Variants in CENPP observed in about 807,000 individuals in gnomAD.
CENPP encodes centromere protein P.
In CENPP, 24 loss-of-function variants were observed where a neutral mutation model predicts 35.6. The observed-to-expected ratio is 0.67, with a 90% CI of 0.49 to 0.95. CENPP has a LOEUF of 0.95. CENPP is among the 40% of genes least tolerant of loss of function. The pLI, the probability that CENPP is intolerant of heterozygous loss-of-function variation, is 0.00. For missense variants in CENPP, 332 were observed against 345.3 expected, an observed-to-expected ratio of 0.96 and a Z score of 0.31; for synonymous variants, 120 against 125.5, an observed-to-expected ratio of 0.96 and a Z score of 0.29.
At chr9:92,533,328 A>AAAAATATAT (rs1554683138) in intron 5 of CENPP, among the ~76,000 whole-genome samples, 1 of 38,332 alleles carries the variant, frequency 2.6e-5, no homozygotes, top group African/African-American at 1.5e-4. Context: ...AAAAAAAAAA[A>AAAAATATAT]ATATATATAT....
chr9:92,521,457 A>G (rs1848064162), intron 5 of CENPP, among the ~76,000 whole-genome samples: 1 of 152,114 alleles, frequency 6.6e-6, no homozygotes, highest in African/African-American at 2.4e-5. Context: ...TATTTTCAGG[A>G]TAATTGTATA....
intron 5 of CENPP, among the ~76,000 whole-genome samples, chr9:92,579,471 T>C (rs1297461755): frequency 6.6e-6 from 1 of 151,218 alleles, no homozygotes; most frequent in African/African-American, 2.4e-5. Context: ...TCCTCTTTTA[T>C]TTCGTTGAGC....
At chr9:92,483,374 G>A (rs1393160930) in intron 5 of CENPP, among the ~76,000 whole-genome samples, 3 of 151,992 alleles carry the variant, frequency 2.0e-5, no homozygotes, top group Non-Finnish European at 4.4e-5. Flanking sequence ...GACTGCAGGC[G>A]CCCGCCACCA....
rs1447850504 is a variant in CENPP at position 92,617,185 on chromosome 9, C to T, written c.*4036C>T. On this transcript the variant is annotated 3_prime_UTR_variant, in exon 8 of 8. Coordinates refer to ENST00000375587, the MANE Select transcript of CENPP (RefSeq NM_001012267.3). ...GCTGGAGTGTGCCTGCAGCTCATCC[C>T]AAGGGGCCACATTTTATTGGGAGAA... The T allele has an allele frequency of 6.6e-6, 1 of 152,224 alleles. No homozygotes were observed. The highest frequency in any genetic ancestry group is 1.5e-5 in the Non-Finnish European group (1 of 68,088). 9.4% of individuals were successfully genotyped at this position (152,224 alleles called of 1,614,324 possible).
intron 5 of CENPP, chr9:92,457,565 T>G (rs1350018463): frequency 2.9e-6 from 3 of 1,032,436 alleles, no homozygotes; most frequent in African/African-American, 1.6e-5. Context: ...GCCATTTGTT[T>G]GTGGGTTTAT....
intron 5 of CENPP, among the ~76,000 whole-genome samples, chr9:92,485,595 C>G (rs945671350): frequency 6.6e-6 from 1 of 152,198 alleles, no homozygotes; most frequent in South Asian, 2.1e-4. Context: ...TCTAGAACTT[C>G]TCCTGGTCTA....
chr9:92,610,556 C>T (rs1319980504), intron 5 of CENPP: 1 of 152,240 alleles, frequency 6.6e-6, no homozygotes, highest in Non-Finnish European at 1.5e-5. Flanking sequence ...ATTTTCATAG[C>T]GCATGGGGGA....
intron 5 of CENPP, among the ~76,000 whole-genome samples, chr9:92,546,086 A>G (rs1849437269): frequency 6.6e-6 from 1 of 152,168 alleles, no homozygotes; most frequent in African/African-American, 2.4e-5. Context: ...TGTCTAGCTC[A>G]GGGTTTGTGA....
At chr9:92,554,091 GA>G (rs980557358) in intron 5 of CENPP, among the ~76,000 whole-genome samples, 157 of 152,232 alleles carry the variant, frequency 1.0e-3, no homozygotes, top group African/African-American at 3.7e-3. Flanking sequence ...CTTGTGTGCC[GA>G]TTTTGTTGAG....
intron 5 of CENPP, among the ~76,000 whole-genome samples, chr9:92,410,781 G>C (rs1843423561): frequency 6.6e-6 from 1 of 152,128 alleles, no homozygotes; most frequent in Admixed American, 6.6e-5. Context: ...CTGTTTACTT[G>C]ATACCTCCAA....
At chr9:92,484,067 A>G (rs1845998439) in intron 5 of CENPP, among the ~76,000 whole-genome samples, 1 of 152,224 alleles carries the variant, frequency 6.6e-6, no homozygotes. Flanking sequence ...CAGAGCATCT[A>G]GTGTTTGCCT....
At chr9:92,543,259 G>A (rs1339808469) in intron 5 of CENPP, among the ~76,000 whole-genome samples, 2 of 152,022 alleles carry the variant, frequency 1.3e-5, no homozygotes, top group African/African-American at 4.8e-5. Context: ...ATAACTTGAG[G>A]TCAGGAGTTC....
At chr9:92,535,718 A>T (rs1849128837) in intron 5 of CENPP, among the ~76,000 whole-genome samples, 1 of 152,150 alleles carries the variant, frequency 6.6e-6, no homozygotes, top group Non-Finnish European at 1.5e-5. Flanking sequence ...CCACCTAAAC[A>T]TATAAAAATA....
intron 2 of CENPP, among the ~76,000 whole-genome samples, chr9:92,332,571 G>A (rs927797451): frequency 3.3e-5 from 5 of 152,190 alleles, no homozygotes; most frequent in Non-Finnish European, 7.3e-5. Context: ...CTTTTGGGAG[G>A]CCAAGGCATG....
chr9:92,505,446 A>G lies in CENPP; in HGVS notation c.565-105868A>G, dbSNP rs1373462976. Reference sequence around the variant, plus strand: ...AGCATGAAACTAGAGTTTAATTTACATCACAATAGTCTTAAAATATATTTT... The same window carrying G: ...AGCATGAAACTAGAGTTTAATTTACGTCACAATAGTCTTAAAATATATTTT... On this transcript the variant is annotated intron_variant, in intron 5 of 7. Coordinates refer to ENST00000375587, the MANE Select transcript of CENPP (RefSeq NM_001012267.3). 2.5e-6 allele frequency: 3 copies of G among 1,186,098 alleles called. No homozygotes were observed. In the Admixed American group the frequency reaches 7.7e-5, roughly 31 times the overall value. 73.5% of individuals were successfully genotyped at this position (1,186,098 alleles called of 1,614,324 possible). A position where few individuals can be genotyped will look rare whatever the true frequency, so the allele number is the denominator to read the frequency against.
At chr9:92,591,685 C>G (rs1850667590) in intron 5 of CENPP, among the ~76,000 whole-genome samples, 1 of 151,912 alleles carries the variant, frequency 6.6e-6, no homozygotes, top group South Asian at 2.1e-4. Flanking sequence ...GGTCACTGTT[C>G]TCTAGGATAA....
chr9:92,558,059 G>A (rs926058720), intron 5 of CENPP, among the ~76,000 whole-genome samples: 44 of 151,798 alleles, frequency 2.9e-4, no homozygotes, highest in African/African-American at 1.0e-3. Context: ...CATTTTTTTG[G>A]ATTTCCTTGC....
chr9:92,404,821 G>A (rs1843260402), intron 5 of CENPP: 2 of 280,846 alleles, frequency 7.1e-6, no homozygotes, highest in Non-Finnish European at 1.2e-5. Flanking sequence ...TCATGTTTTG[G>A]TGAATATTAG....
chr9:92,605,446 C>T (rs150597885), intron 5 of CENPP, among the ~76,000 whole-genome samples: 25 of 152,160 alleles, frequency 1.6e-4, no homozygotes, highest in East Asian at 7.7e-4. Flanking sequence ...TCTTATGCCA[C>T]GGTGTGACCT....
Sources: allele counts gnomAD v4.1 joint callset (sites outside exome capture counted in the v4.1 genomes callset), GRCh38; gene constraint gnomAD v4.1.1; transcripts MANE v1.5; gene names NCBI Gene and HGNC (gene_info 2026-07-23, HGNC 2026-07-21).